TEX11: variants seen among roughly 807,000 people sequenced by gnomAD.
The protein encoded by TEX11 is testis expressed 11, also known as testis-expressed protein 11.
Under a neutral mutation model 84.4 loss-of-function variants are expected in TEX11, and 7 were observed. The ratio of observed to expected loss-of-function variants is 0.08; its 90% CI spans 0.05 to 0.16. TEX11 has a LOEUF of 0.16. Ranked by LOEUF, TEX11 falls within the 10% of genes least tolerant of loss-of-function variation. TEX11 has a pLI of 1.00. For missense variants in TEX11, 551 were observed against 660.5 expected, an observed-to-expected ratio of 0.83 and a Z score of 1.82; for synonymous variants, 264 against 222.8, an observed-to-expected ratio of 1.18 and a Z score of -1.64.
rs778511142 is a variant in TEX11 at position 70,771,531 on chromosome X, AT to A, written c.693-27313del. Among the ~76,000 whole-genome samples, 12 of 111,277 alleles carry A rather than the reference AT, an allele frequency of 1.1e-4. No homozygotes were observed. The South Asian group carries it at 4.5e-3, about 42-fold the overall frequency. On this transcript the variant is annotated intron_variant, in intron 9 of 29. Coordinates refer to ENST00000374333, the MANE Select transcript of TEX11 (RefSeq NM_031276.3). ...CATTAATCTTTTTTAAATGCAATCT[AT>A]TTTGAAAAAAACTTAAAAAAAACTC...
intron 25 of TEX11, among the ~76,000 whole-genome samples, chrX:70,576,754 A>G (rs958190706): frequency 8.9e-5 from 10 of 112,707 alleles, no homozygotes; most frequent in Non-Finnish European, 1.5e-4. Flanking sequence ...CTTATAGTCT[A>G]GGGTATTTGT....
chrX:70,710,170 G>A (rs2090414559), intron 13 of TEX11, among the ~76,000 whole-genome samples: 1 of 111,096 alleles, frequency 9.0e-6, no homozygotes, highest in African/African-American at 3.3e-5. Flanking sequence ...CAACATAAAT[G>A]ACAAATGTTA....
At chrX:70,544,833 T>C (rs1341945154) in intron 28 of TEX11, among the ~76,000 whole-genome samples, 1 of 42,121 alleles carries the variant, frequency 2.4e-5, no homozygotes, top group Non-Finnish European at 3.7e-5. Context: ...CGAGACTCCA[T>C]CTCAAAAAAA....
chrX:70,705,976 A>G (rs1229362125), intron 13 of TEX11, among the ~76,000 whole-genome samples: 2 of 111,705 alleles, frequency 1.8e-5, no homozygotes, highest in African/African-American at 6.5e-5. Context: ...CCAAAGGATT[A>G]TAAATCATGC....
At chrX:70,669,721 A>G (rs2090006238) in intron 16 of TEX11, among the ~76,000 whole-genome samples, 1 of 112,952 alleles carries the variant, frequency 8.9e-6, no homozygotes, top group African/African-American at 3.2e-5. Flanking sequence ...AAAGGCAACA[A>G]AAACCTTCAT....
chrX:70,848,409 T>C (rs1020267936), intron 7 of TEX11, among the ~76,000 whole-genome samples: 4 of 111,797 alleles, frequency 3.6e-5, no homozygotes, highest in African/African-American at 1.3e-4. Flanking sequence ...CCTAAGTCTG[T>C]TTCTTCCTTC....
At chrX:70,885,907 A>AAAAGAAAG (rs749319210) in intron 2 of TEX11, among the ~76,000 whole-genome samples, 2 of 107,682 alleles carry the variant, frequency 1.9e-5, no homozygotes, top group African/African-American at 3.4e-5. Flanking sequence ...AAAAAAAAGA[A>AAAAGAAAG]AAAGAAAGAA....
At chrX:70,653,670 A>G (rs2089833177) in intron 16 of TEX11, among the ~76,000 whole-genome samples, 1 of 111,858 alleles carries the variant, frequency 8.9e-6, no homozygotes, top group Admixed American at 9.5e-5. Flanking sequence ...TTGCCATACA[A>G]TCCAGCAGTT....
intron 4 of TEX11, among the ~76,000 whole-genome samples, chrX:70,862,189 G>A (rs763908992): frequency 9.0e-6 from 1 of 111,569 alleles, no homozygotes; most frequent in African/African-American, 3.3e-5. Context: ...TGTCATAACA[G>A]TTCTTAAAGT....
At chrX:70,826,138 C>A (rs771445263) in intron 8 of TEX11, among the ~76,000 whole-genome samples, 1 of 110,208 alleles carries the variant, frequency 9.1e-6, no homozygotes, top group Non-Finnish European at 1.9e-5. Context: ...ACCCCCCCAA[C>A]GTCTCTACTA....
intron 15 of TEX11, among the ~76,000 whole-genome samples, chrX:70,675,289 T>C (rs964911743): frequency 1.3e-4 from 15 of 112,620 alleles, no homozygotes; most frequent in Admixed American, 4.7e-4. Flanking sequence ...AGTTTCCTTC[T>C]GCTCAGAGGA....
intron 11 of TEX11, among the ~76,000 whole-genome samples, chrX:70,732,136 T>C (rs2147734280): frequency 9.0e-6 from 1 of 111,468 alleles, no homozygotes; most frequent in East Asian, 2.8e-4. Context: ...ATAAATTAGG[T>C]ATTGATGGGA....
intron 9 of TEX11, among the ~76,000 whole-genome samples, chrX:70,784,815 C>T (rs1372469666): frequency 9.0e-6 from 1 of 111,148 alleles, no homozygotes; most frequent in Non-Finnish European, 1.9e-5. Context: ...CACTGCTCCA[C>T]GAAATAAAAG....
chrX:70,657,455 T>A (rs868845189), intron 16 of TEX11, among the ~76,000 whole-genome samples: 26 of 96,117 alleles, frequency 2.7e-4, no homozygotes, highest in African/African-American at 7.6e-4. Flanking sequence ...TGTAAAAAAT[T>A]AAAAAAAAAA....
chrX:70,768,964 G>A (rs2090956790), intron 9 of TEX11, among the ~76,000 whole-genome samples: 1 of 111,675 alleles, frequency 9.0e-6, no homozygotes, highest in African/African-American at 3.3e-5. Flanking sequence ...AACAACACAC[G>A]TCTACATAAC....
chrX:70,817,074 G>C (rs1365715604), intron 8 of TEX11, among the ~76,000 whole-genome samples: 1 of 110,035 alleles, frequency 9.1e-6, no homozygotes, highest in African/African-American at 3.3e-5. Context: ...TTTTGTTGTT[G>C]GATTGAAACA....
chrX:70,525,024 A>T (rs917178842), downstream of TEX11, among the ~76,000 whole-genome samples: 4 of 110,805 alleles, frequency 3.6e-5, no homozygotes, highest in Admixed American at 1.9e-4. Flanking sequence ...AAATAATAAT[A>T]AAAAAAATTA....
intron 2 of TEX11, among the ~76,000 whole-genome samples, chrX:70,901,591 G>A (rs144539281): frequency 3.6e-5 from 4 of 111,862 alleles, no homozygotes; most frequent in East Asian, 2.8e-4. Flanking sequence ...TAGATCCCTC[G>A]TGTGGGCAGT....
chrX:70,847,844 G>C (rs78997579), intron 7 of TEX11, among the ~76,000 whole-genome samples: 2 of 112,023 alleles, frequency 1.8e-5, no homozygotes, highest in African/African-American at 6.5e-5. Flanking sequence ...ATGCCTAGCA[G>C]TGTTTGCTCT....
Sources: gnomAD v4.1 joint callset for allele counts (sites outside exome capture counted in the v4.1 genomes callset) on GRCh38, gnomAD v4.1.1 for gene constraint, MANE v1.5 for transcripts, NCBI Gene and HGNC (gene_info 2026-07-23, HGNC 2026-07-21) for gene names.